The following HECW2 variants were observed in gnomAD, a reference collection of about 807,000 sequenced individuals.
The protein encoded by HECW2 is E3 ubiquitin-protein ligase HECW2.
In HECW2, 61 loss-of-function variants were observed where a neutral mutation model predicts 175.2. The ratio of observed to expected loss-of-function variants is 0.35; its 90% confidence interval spans 0.28 to 0.43. The LOEUF (loss-of-function observed/expected upper bound fraction) is 0.43, where lower values mean the gene tolerates loss of function less well. HECW2 is among the 20% of genes least tolerant of loss of function. HECW2 has a pLI of 1.00. For missense variants in HECW2, 1,524 were observed against 2,000.5 expected (o/e 0.76, Z 4.54); for synonymous variants, 671 against 731.0 (o/e 0.92, Z 1.32).
chr2:196,421,223 A>T (rs79803766), intron 2 of HECW2, among the ~76,000 whole-genome samples: 2,510 of 152,242 alleles, frequency 0.016, 65 homozygotes, highest in African/African-American at 0.057. Context: ...AAAAAGTCCA[A>T]ACATATCAAA....
At chr2:196,486,363 G>A (rs1687005012) in intron 1 of HECW2, among the ~76,000 whole-genome samples, 1 of 152,190 alleles carries the variant, frequency 6.6e-6, no homozygotes, top group Non-Finnish European at 1.5e-5. Context: ...AGTGGGACTA[G>A]CAGTTACACA....
intron 9 of HECW2, among the ~76,000 whole-genome samples, chr2:196,318,000 C>A (rs1279194998): frequency 6.6e-6 from 1 of 152,182 alleles, no homozygotes; most frequent in African/African-American, 2.4e-5. Context: ...AAAAACACTA[C>A]CTTTGATGCA....
intron 2 of HECW2, among the ~76,000 whole-genome samples, chr2:196,400,004 T>TTAA (rs1374871472): frequency 2.0e-5 from 3 of 152,170 alleles, no homozygotes; most frequent in Non-Finnish European, 4.4e-5. Flanking sequence ...ACTACAGTAA[T>TTAA]TAATAACTGG....
chr2:196,414,003 T>C (rs1258232110), intron 2 of HECW2, among the ~76,000 whole-genome samples: 1 of 152,218 alleles, frequency 6.6e-6, no homozygotes, highest in Non-Finnish European at 1.5e-5. Flanking sequence ...TGGTGATCAC[T>C]ACTCTGCAGC....
chr2:196,320,051 C>A, intron 8 of HECW2, 147 bp from the exon 9 acceptor site: 1 of 799,232 alleles, frequency 1.3e-6, no homozygotes, highest in Non-Finnish European at 1.9e-6. Flanking sequence ...CCACTCACTA[C>A]TAAATGAGGA....
intron 4 of HECW2, chr2:196,331,426 T>C (rs572592658): frequency 6.1e-6 from 2 of 326,468 alleles, no homozygotes; most frequent in African/African-American, 2.2e-5. Flanking sequence ...ATTCCTTCTG[T>C]GCCTGGGCAC....
intron 1 of HECW2, among the ~76,000 whole-genome samples, chr2:196,463,417 A>G (rs73989934): frequency 5.9e-5 from 9 of 151,950 alleles, no homozygotes; most frequent in African/African-American, 9.6e-5. Flanking sequence ...AAAAAAAAAA[A>G]AAAGAAAGAA....
At chr2:196,461,652 A>G (rs977908277) in intron 1 of HECW2, among the ~76,000 whole-genome samples, 1 of 152,162 alleles carries the variant, frequency 6.6e-6, no homozygotes, top group African/African-American at 2.4e-5. Flanking sequence ...GGAAACTTAC[A>G]TTCATGGCAG....
Position 196,334,440 on chromosome 2 carries a change from T to G in HECW2, c.479A>C (p.Lys160Thr). Residue 160 changes from lysine (K) to threonine (T), a missense_variant, in exon 4 of 29, where the codon AAG (lysine) becomes ACG (threonine). By Grantham distance (78) the Lys-to-Thr change is moderately conservative. Around this residue, in one of 11 missense-constraint regions of HECW2, gnomAD observed 135 missense variants for 214.6 expected, o/e 0.63. Coordinates refer to ENST00000644978, the MANE Select transcript of HECW2 (RefSeq NM_001348768.2). Reference protein sequence around the residue: ...LRATTPCITVKNPAVMMGAEG... With the variant: ...LRATTPCITVTNPAVMMGAEG... ...GGCACTCACCATCACAGCTGGGTTC[T>G]TCACGGTGATGCAGGGGGTCGTGGC... is the stretch of plus-strand genomic sequence containing the variant. The G allele has an allele frequency of 6.2e-7, 1 of 1,608,938 alleles. No homozygotes were observed. The highest frequency in any genetic ancestry group is 8.5e-7 in the Non-Finnish European group (1 of 1,177,884).
intron 1 of HECW2, among the ~76,000 whole-genome samples, chr2:196,576,187 C>T (rs1359011822): frequency 6.6e-6 from 1 of 151,878 alleles, no homozygotes; most frequent in African/African-American, 2.4e-5. Flanking sequence ...GGTTTGTACC[C>T]CAAGAGCAAT....
intron 28 of HECW2, among the ~76,000 whole-genome samples, chr2:196,214,922 T>A (rs767621): frequency 1.3e-5 from 2 of 152,044 alleles, no homozygotes; most frequent in African/African-American, 2.4e-5. Flanking sequence ...CTAATATCAC[T>A]AATAAAATAG....
intron 13 of HECW2, among the ~76,000 whole-genome samples, chr2:196,299,843 G>C (rs1419243024): frequency 6.6e-6 from 1 of 151,964 alleles, no homozygotes; most frequent in East Asian, 1.9e-4. Context: ...GCAGGAGAAT[G>C]GCGTGAACCC....
intron 17 of HECW2, among the ~76,000 whole-genome samples, chr2:196,261,843 G>A (rs1309662240): frequency 6.6e-6 from 1 of 152,086 alleles, no homozygotes; most frequent in Non-Finnish European, 1.5e-5. Context: ...AACATTATAG[G>A]TCCGCAATAT....
chr2:196,365,155 C>G (rs777565088), intron 2 of HECW2, among the ~76,000 whole-genome samples: 48 of 152,198 alleles, frequency 3.2e-4, no homozygotes, highest in Non-Finnish European at 6.3e-4. Context: ...CAATTAAAGA[C>G]ATCACTTAAC....
chr2:196,286,851 A>C (rs760121951), intron 14 of HECW2, among the ~76,000 whole-genome samples: 28 of 152,238 alleles, frequency 1.8e-4, no homozygotes, highest in Non-Finnish European at 4.0e-4. Context: ...AAAATGTAGC[A>C]CTTATCTTGC....
At chr2:196,572,801 C>A (rs1690432540) in intron 1 of HECW2, among the ~76,000 whole-genome samples, 1 of 152,088 alleles carries the variant, frequency 6.6e-6, no homozygotes, top group East Asian at 1.9e-4. Context: ...GTCTACACAG[C>A]CACAAGACAG....
intron 1 of HECW2, among the ~76,000 whole-genome samples, chr2:196,461,100 T>C (rs932120550): frequency 6.6e-6 from 1 of 152,064 alleles, no homozygotes; most frequent in Non-Finnish European, 1.5e-5. Flanking sequence ...TGGCCTTCAG[T>C]TGAAGATGGG....
chr2:196,376,247 T>G (rs1477395603), intron 2 of HECW2, among the ~76,000 whole-genome samples: 1 of 152,192 alleles, frequency 6.6e-6, no homozygotes, highest in Non-Finnish European at 1.5e-5. Context: ...GAAGAGATAC[T>G]AAGAATATAA....
chr2:196,256,781 T>C (rs1293584312), intron 18 of HECW2, among the ~76,000 whole-genome samples: 3 of 152,190 alleles, frequency 2.0e-5, no homozygotes, highest in African/African-American at 7.2e-5. Context: ...ACTGGCTCAA[T>C]ACCACAGGAG....
Sources: allele counts gnomAD v4.1 joint callset (sites outside exome capture counted in the v4.1 genomes callset), GRCh38; gene constraint gnomAD v4.1.1; regional missense constraint gnomAD v4.1.1; transcripts MANE v1.5; gene names NCBI Gene and HGNC (gene_info 2026-07-23, HGNC 2026-07-21).